RAB27A: variants seen among roughly 807,000 people sequenced by gnomAD.
RAB27A encodes ras-related protein Rab-27A.
Under a neutral mutation model 20.8 loss-of-function variants are expected in RAB27A, and 17 were observed. The ratio of observed to expected loss-of-function variants is 0.82; its 90% CI spans 0.56 to 1.23. The LOEUF (loss-of-function observed/expected upper bound fraction) is 1.23, where lower values mean the gene tolerates loss of function less well. Among genes scored for constraint, RAB27A ranks in the 50% most tolerant of loss-of-function variants. The probability of loss-of-function intolerance (pLI) is 0.00; values close to 1 mark genes in which losing one functional copy is unlikely to be tolerated. For synonymous variants in RAB27A, 85 were observed against 92.8 expected (o/e 0.92, Z 0.48); for missense variants, 277 against 266.7 (o/e 1.04, Z -0.27).
intron 2 of RAB27A, among the ~76,000 whole-genome samples, chr15:55,248,098 C>A (rs1896758242): frequency 6.6e-6 from 1 of 152,064 alleles, no homozygotes; most frequent in Non-Finnish European, 1.5e-5. Flanking sequence ...CTCACCCAGA[C>A]TACAGGCACT....
chr15:55,249,953 T>C (rs1896825696), intron 2 of RAB27A, among the ~76,000 whole-genome samples: 1 of 152,096 alleles, frequency 6.6e-6, no homozygotes, highest in Non-Finnish European at 1.5e-5. Flanking sequence ...TAAGATTTTT[T>C]TTTCTATGTT....
chr15:55,271,212 C>T (rs1422217711), intron 1 of RAB27A, among the ~76,000 whole-genome samples: 1 of 152,160 alleles, frequency 6.6e-6, no homozygotes, highest in African/African-American at 2.4e-5. Flanking sequence ...CAATAAAATC[C>T]CTGCTCCTTA....
intron 2 of RAB27A, among the ~76,000 whole-genome samples, chr15:55,302,748 C>G (rs2054978293): frequency 8.3e-6 from 1 of 120,652 alleles, no homozygotes; most frequent in African/African-American, 4.0e-5. Context: ...ATGTGAGGAG[C>G]ACCTCTGCCC....
At chr15:55,297,010 A>G (rs2054952198) in intron 2 of RAB27A, among the ~76,000 whole-genome samples, 1 of 152,232 alleles carries the variant, frequency 6.6e-6, no homozygotes, top group Non-Finnish European at 1.5e-5. Context: ...GTAAGCAAAA[A>G]GGATTATAAC....
At chr15:55,214,251 A>G (rs911594380) in intron 6 of RAB27A, among the ~76,000 whole-genome samples, 5 of 152,204 alleles carry the variant, frequency 3.3e-5, no homozygotes, top group Admixed American at 6.5e-5. Context: ...CCTGGCTAAC[A>G]TGGTGAAACC....
chr15:55,316,082 A>G (rs999800239), intron 1 of RAB27A, among the ~76,000 whole-genome samples: 2 of 152,038 alleles, frequency 1.3e-5, no homozygotes, highest in African/African-American at 4.8e-5. Context: ...AAATACAAAC[A>G]TTAGCTAGGT....
At position 55,271,668 on chromosome 15, in the gene RAB27A, G is replaced by C. The variant is rs570525055; in HGVS notation, c.-142-1384C>G. 2.0e-5 allele frequency among the ~76,000 whole-genome samples: 3 copies of C among 152,158 alleles called. No individual in the cohort carries two copies. The South Asian group carries it at 6.2e-4, about 31-fold the overall frequency. On this transcript the variant is annotated intron_variant, in intron 1 of 6. Transcript: ENST00000336787. Reference sequence around the variant, plus strand: ...GCTTTGTGACAATCTTGAAGACAGGGGTTGTATCTTGTTTTTTGTTCATTC... The same window carrying C: ...GCTTTGTGACAATCTTGAAGACAGGCGTTGTATCTTGTTTTTTGTTCATTC...
chr15:55,234,037 C>A (rs1323826356), intron 3 of RAB27A, among the ~76,000 whole-genome samples: 2 of 152,070 alleles, frequency 1.3e-5, no homozygotes, highest in Non-Finnish European at 2.9e-5. Context: ...GGGACCTTTC[C>A]CCCTGACAGA....
Position 55,205,743 on chromosome 15 carries a change from G to A in RAB27A, c.468-38C>T, listed in dbSNP as rs1431480395. ...GACAACTGAGGTAACAACATGTGGAGGGAAAGGAGAGTGACCTTTGCTCTT... is the reference window on the plus strand; with the variant it reads ...GACAACTGAGGTAACAACATGTGGAAGGAAAGGAGAGTGACCTTTGCTCTT... On this transcript the variant is annotated intron_variant, in intron 6 of 6. Transcript: ENST00000336787. 3.9e-6 allele frequency: 6 copies of A among 1,531,620 alleles called. No individual in the cohort carries two copies. In the South Asian group the frequency reaches 4.5e-5, roughly 11 times the overall value. 94.9% of individuals were successfully genotyped at this position (1,531,620 alleles called of 1,614,324 possible).
In RAB27A at chr15:55,230,505, A is replaced by G; in HGVS notation, c.154-19T>C. 1 of 1,597,196 alleles carries G rather than the reference A, an allele frequency of 6.3e-7. No individual in the cohort carries two copies. Among genetic ancestry groups the G allele is most frequent in the Non-Finnish European group, 8.6e-7 (1 of 1,165,264 alleles). ...TGTACACCTAAAACAGCAAAGTGAA[A>G]GAGAAAACAAAAGAGAACTTCTAAC... On this transcript the variant is annotated intron_variant, in intron 3 of 6. Coordinates refer to ENST00000336787, the MANE Select transcript of RAB27A (RefSeq NM_183235.3).
chr15:55,241,266 A>T (rs998803622), intron 2 of RAB27A, among the ~76,000 whole-genome samples: 8 of 152,178 alleles, frequency 5.3e-5, no homozygotes, highest in African/African-American at 1.9e-4. Context: ...CCTCAAGGAA[A>T]TATCTTCTAA....
chr15:55,283,008 G>A (rs376752651), intron 1 of RAB27A, among the ~76,000 whole-genome samples: 2 of 152,148 alleles, frequency 1.3e-5, no homozygotes, highest in Admixed American at 1.3e-4. Flanking sequence ...AGACAACAGC[G>A]GTAGTTAGGC....
intron 6 of RAB27A, among the ~76,000 whole-genome samples, chr15:55,210,860 T>G (rs1272819025): frequency 2.0e-5 from 3 of 152,184 alleles, no homozygotes; most frequent in African/African-American, 7.2e-5. Context: ...CCTGGAGTGT[T>G]TCCCAAATGT....
intron 2 of RAB27A, among the ~76,000 whole-genome samples, chr15:55,240,920 T>A (rs947782824): frequency 2.0e-5 from 3 of 152,218 alleles, no homozygotes. Context: ...CAAGAATGCA[T>A]CATCAATATA....
chr15:55,299,120 T>C (rs560184218), intron 2 of RAB27A, among the ~76,000 whole-genome samples: 59 of 152,290 alleles, frequency 3.9e-4, no homozygotes, highest in South Asian at 2.9e-3. Flanking sequence ...ACGGTATTGA[T>C]TGGGGAAGTG....
At chr15:55,258,244 G>C (rs568866778) in intron 2 of RAB27A, among the ~76,000 whole-genome samples, 38 of 152,024 alleles carry the variant, frequency 2.5e-4, no homozygotes, top group Non-Finnish European at 4.3e-4. Flanking sequence ...TGTTTTCCTA[G>C]AAGAAGAATT....
chr15:55,207,519 G>T (rs1894708954), intron 6 of RAB27A, among the ~76,000 whole-genome samples: 1 of 152,166 alleles, frequency 6.6e-6, no homozygotes, highest in South Asian at 2.1e-4. Context: ...AAAATATTCA[G>T]AAACCCTGTG....
chr15:55,311,251 T>C (rs139920444), intron 2 of RAB27A, among the ~76,000 whole-genome samples: 1 of 152,228 alleles, frequency 6.6e-6, no homozygotes, highest in African/African-American at 2.4e-5. Context: ...AGGACTGTCC[T>C]AACCCTTGTA....
chr15:55,310,910 T>C (rs1215078572), intron 2 of RAB27A, among the ~76,000 whole-genome samples: 3 of 152,190 alleles, frequency 2.0e-5, no homozygotes, highest in Non-Finnish European at 4.4e-5. Context: ...CGGTAGGATT[T>C]TCTTCCTTTC....
Sources: gnomAD v4.1 joint callset for allele counts (sites outside exome capture counted in the v4.1 genomes callset) on GRCh38, gnomAD v4.1.1 for gene constraint, MANE v1.5 for transcripts, NCBI Gene and HGNC (gene_info 2026-07-23, HGNC 2026-07-21) for gene names.